Variants in TMEM164 observed in about 807,000 individuals in gnomAD.
TMEM164 encodes the protein RP13-360B22.2.
A neutral mutation model predicts 18.8 loss-of-function variants in TMEM164; 4 were observed. That is an observed-to-expected ratio of 0.21 (90% confidence interval 0.10 to 0.49). The LOEUF is 0.49. Ranked by LOEUF, TMEM164 falls within the 20% of genes least tolerant of loss-of-function variation. The pLI is 0.98. For synonymous variants in TMEM164, 86 were observed against 101.7 expected, an observed-to-expected ratio of 0.85 and a Z score of 0.93; for missense variants, 108 against 239.9, an observed-to-expected ratio of 0.45 and a Z score of 3.63.
chrX:110,154,786 G>A (rs1293596117), intron 5 of TMEM164, among the ~76,000 whole-genome samples: 2 of 111,710 alleles, frequency 1.8e-5, no homozygotes, highest in African/African-American at 6.5e-5. Flanking sequence ...GCCTGTCCAT[G>A]GAGTCGCTGG....
intron 3 of TMEM164, among the ~76,000 whole-genome samples, chrX:110,107,706 C>A (rs755049186): frequency 2.0e-5 from 2 of 101,421 alleles, no homozygotes; most frequent in African/African-American, 7.2e-5. Flanking sequence ...GTCGCCCAGG[C>A]TGTAGTACAG....
intron 3 of TMEM164, among the ~76,000 whole-genome samples, chrX:110,087,785 CAGGAA>C (rs1300445932): frequency 9.0e-6 from 1 of 111,727 alleles, no homozygotes; most frequent in Admixed American, 9.5e-5. Flanking sequence ...TCATGTGTGC[CAGGAA>C]AGGAGTGGAT....
chrX:110,011,542 A>G (rs1204318631), intron 2 of TMEM164, among the ~76,000 whole-genome samples: 1 of 112,312 alleles, frequency 8.9e-6, no homozygotes, highest in Admixed American at 9.4e-5. Context: ...AGAAACAATA[A>G]GTGCAAAGGC....
At chrX:110,072,731 T>C (rs1428467070) in intron 3 of TMEM164, among the ~76,000 whole-genome samples, 2 of 111,575 alleles carry the variant, frequency 1.8e-5, no homozygotes, top group Non-Finnish European at 3.8e-5. Flanking sequence ...TTTTTCTACT[T>C]AATTTTCAGC....
intron 3 of TMEM164, among the ~76,000 whole-genome samples, chrX:110,086,433 T>G (rs182368608): frequency 9.0e-6 from 1 of 111,053 alleles, no homozygotes; most frequent in Non-Finnish European, 1.9e-5. Context: ...TTAGTGTGGT[T>G]GTGTTCAAAT....
chrX:110,112,947 G>A (rs1328854509), intron 4 of TMEM164, among the ~76,000 whole-genome samples: 1 of 110,883 alleles, frequency 9.0e-6, no homozygotes, highest in Non-Finnish European at 1.9e-5. Context: ...TATGAATTTT[G>A]GGGGGACACA....
intron 4 of TMEM164, among the ~76,000 whole-genome samples, chrX:110,134,502 G>A (rs1469403425): frequency 2.1e-5 from 2 of 97,075 alleles, no homozygotes; most frequent in East Asian, 7.4e-4. Context: ...AGAGGTTGCA[G>A]TAAGCCTAGA....
Position 110,173,666 on chromosome X carries a change from G to T in TMEM164, c.*215G>T, listed in dbSNP as rs2067259034. On this transcript the variant is annotated 3_prime_UTR_variant, in exon 7 of 7. Coordinates refer to ENST00000372068, the MANE Select transcript of TMEM164 (RefSeq NM_032227.4). ...GCCTGGGGTGTAGTGCTGGGCGCTG[G>T]ATTTTCCTCCTTCCCTTTGGCTCTC... 2 of 419,506 alleles carry T rather than the reference G, an allele frequency of 4.8e-6. No individual in the cohort carries two copies. The highest frequency in any genetic ancestry group is 8.0e-5 in the East Asian group (2 of 25,079). 34.6% of individuals were successfully genotyped at this position (419,506 alleles called of 1,213,427 possible). A position where few individuals can be genotyped will look rare whatever the true frequency, so the allele number is the denominator to read the frequency against.
intron 2 of TMEM164, among the ~76,000 whole-genome samples, chrX:110,029,709 T>C (rs1299969435): frequency 8.9e-6 from 1 of 111,735 alleles, no homozygotes; most frequent in African/African-American, 3.3e-5. Flanking sequence ...GGAATGGAAC[T>C]TTTCAGTCCA....
intron 2 of TMEM164, among the ~76,000 whole-genome samples, chrX:110,023,324 AT>A (rs781224697): frequency 4.5e-3 from 463 of 102,204 alleles, no homozygotes; most frequent in African/African-American, 0.014. Context: ...TCAGTTCCTC[AT>A]TTTTTTTTTT....
At position 110,068,203 on chromosome X, in the gene TMEM164, A is replaced by G. The variant is rs192700660; in HGVS notation, c.440+807A>G. On this transcript the variant is annotated intron_variant, in intron 3 of 6. Coordinates refer to ENST00000372068, the MANE Select transcript of TMEM164 (RefSeq NM_032227.4). The stretch of plus-strand genomic sequence containing the variant: ...TGAGAATGGTGTAAATGGCTTTCTG[A>G]TTTACTTAAGTCATTAAAGTGTTAG... 2.0e-4 allele frequency among the ~76,000 whole-genome samples: 22 copies of G among 112,366 alleles called. No homozygotes were observed. In the East Asian group the frequency reaches 5.9e-3, roughly 30 times the overall value.
At chrX:110,125,892 A>G (rs1336001011) in intron 4 of TMEM164, among the ~76,000 whole-genome samples, 1 of 112,626 alleles carries the variant, frequency 8.9e-6, no homozygotes, top group Non-Finnish European at 1.9e-5. Flanking sequence ...CAAAGCAATT[A>G]GCAGCTGCTA....
intron 4 of TMEM164, among the ~76,000 whole-genome samples, chrX:110,110,733 C>T (rs1313602316): frequency 8.9e-6 from 1 of 112,438 alleles, no homozygotes. Context: ...AACAAGTCCC[C>T]AAGTGATGCC....
chrX:110,116,641 T>C (rs1179291439), intron 4 of TMEM164, among the ~76,000 whole-genome samples: 1 of 111,877 alleles, frequency 8.9e-6, no homozygotes, highest in African/African-American at 3.2e-5. Flanking sequence ...ACCCTTACAG[T>C]ATTTAGATTT....
At chrX:110,008,996 T>G in intron 2 of TMEM164, among the ~76,000 whole-genome samples, 1 of 111,627 alleles carries the variant, frequency 9.0e-6, no homozygotes, top group East Asian at 2.8e-4. Context: ...GATCCTTGCC[T>G]GTGTCTGGAT....
At chrX:110,138,379 A>T (rs1173128464) in intron 4 of TMEM164, among the ~76,000 whole-genome samples, 1 of 112,258 alleles carries the variant, frequency 8.9e-6, no homozygotes, top group Non-Finnish European at 1.9e-5. Context: ...AATGATGGAG[A>T]CAGAATTTCA....
chrX:110,123,832 C>T (rs1484731538), intron 4 of TMEM164, among the ~76,000 whole-genome samples: 1 of 111,507 alleles, frequency 9.0e-6, no homozygotes, highest in African/African-American at 3.3e-5. Context: ...AAATAATTAG[C>T]CAGCCATGGT....
chrX:110,088,196 G>GACTCAGTTTGAACCTGT, intron 3 of TMEM164, among the ~76,000 whole-genome samples: 2 of 112,211 alleles, frequency 1.8e-5, no homozygotes, highest in South Asian at 7.4e-4. Context: ...TCATGAGATA[G>GACTCAGTTTGAACCTGT]ACTCAGTTTG....
At chrX:110,062,725 C>T (rs1412831938) in intron 2 of TMEM164, among the ~76,000 whole-genome samples, 1 of 111,785 alleles carries the variant, frequency 8.9e-6, no homozygotes, top group Non-Finnish European at 1.9e-5. Context: ...GACACAAATA[C>T]GTTCAGGGTA....
Sources: gnomAD v4.1 joint callset for allele counts (sites outside exome capture counted in the v4.1 genomes callset) on GRCh38, gnomAD v4.1.1 for gene constraint, MANE v1.5 for transcripts, NCBI Gene and HGNC (gene_info 2026-07-23, HGNC 2026-07-21) for gene names.